LPGAT1: variants seen among roughly 807,000 people sequenced by gnomAD.
LPGAT1 encodes the protein lysophosphatidylglycerol acyltransferase 1.
LPGAT1 carries 11 observed loss-of-function variants against 47.5 expected under a neutral mutation model. That is an observed-to-expected ratio of 0.23 (90% CI 0.15 to 0.38). The LOEUF (loss-of-function observed/expected upper bound fraction) is 0.38, where lower values mean the gene tolerates loss of function less well. LPGAT1 is among the 10% of genes least tolerant of loss of function. The pLI is 1.00. For synonymous variants in LPGAT1, 138 were observed against 144.2 expected, an observed-to-expected ratio of 0.96 and a Z score of 0.31; for missense variants, 293 against 439.0, an observed-to-expected ratio of 0.67 and a Z score of 2.97.
At chr1:211,795,778 C>G (rs1488495527) in intron 2 of LPGAT1, among the ~76,000 whole-genome samples, 2 of 152,202 alleles carry the variant, frequency 1.3e-5, no homozygotes, top group Non-Finnish European at 2.9e-5. Context: ...CACACAAACA[C>G]ACACACACAT....
At chr1:211,806,413 C>T (rs1363472437) in intron 2 of LPGAT1, among the ~76,000 whole-genome samples, 1 of 151,288 alleles carries the variant, frequency 6.6e-6, no homozygotes, top group Admixed American at 6.6e-5. Flanking sequence ...AGCAAATTAA[C>T]ACAGAAACAG....
chr1:211,817,536 A>G (rs1044379066), intron 2 of LPGAT1, among the ~76,000 whole-genome samples: 26 of 151,576 alleles, frequency 1.7e-4, no homozygotes, highest in Admixed American at 1.1e-3. Context: ...GCACCACTGC[A>G]CTCCAGCCTA....
At chr1:211,793,355 ATAAC>A in intron 2 of LPGAT1, 165 bp from the exon 3 acceptor site, 1 of 348,832 alleles carries the variant, frequency 2.9e-6, no homozygotes, top group Non-Finnish European at 5.2e-6. Flanking sequence ...GAATGTTAAT[ATAAC>A]TTTTATAGAG....
chr1:211,791,843 C>T (rs1318105429), intron 3 of LPGAT1, among the ~76,000 whole-genome samples: 1 of 149,664 alleles, frequency 6.7e-6, no homozygotes, highest in Admixed American at 6.7e-5. Context: ...GCTGTCAGCA[C>T]CTTGATAAGA....
intron 2 of LPGAT1, among the ~76,000 whole-genome samples, chr1:211,811,450 A>AT (rs1006659609): frequency 1.3e-5 from 2 of 152,108 alleles, no homozygotes; most frequent in South Asian, 2.1e-4. Flanking sequence ...CTAAATGGGG[A>AT]TTTTTTTTAA....
chr1:211,756,875 C>CT (rs1233456083), intron 6 of LPGAT1, among the ~76,000 whole-genome samples: 3,298 of 132,056 alleles, frequency 0.025, 52 homozygotes, highest in Non-Finnish European at 0.033. Context: ...TTTTTTCTCT[C>CT]TTTTTTTTTT....
chr1:211,759,321 A>G (rs1044588005), intron 6 of LPGAT1, among the ~76,000 whole-genome samples: 1 of 152,142 alleles, frequency 6.6e-6, no homozygotes, highest in Non-Finnish European at 1.5e-5. Flanking sequence ...CTGGTTTCAA[A>G]GGATTCTCCT....
chr1:211,793,989 T>C (rs80178087), intron 2 of LPGAT1, among the ~76,000 whole-genome samples: 2 of 152,186 alleles, frequency 1.3e-5, no homozygotes, highest in Non-Finnish European at 2.9e-5. Flanking sequence ...AAATATAGCA[T>C]GATCCCATCT....
intron 3 of LPGAT1, among the ~76,000 whole-genome samples, chr1:211,788,574 CGGGA>C (rs1244122370): frequency 6.6e-6 from 1 of 151,510 alleles, no homozygotes; most frequent in African/African-American, 2.4e-5. Flanking sequence ...CCCAGCTACT[CGGGA>C]GGTTGAGGCA....
intron 5 of LPGAT1, among the ~76,000 whole-genome samples, chr1:211,782,025 T>C (rs1317302584): frequency 1.3e-5 from 2 of 152,102 alleles, no homozygotes; most frequent in African/African-American, 2.4e-5. Flanking sequence ...AGAAAAGCAA[T>C]CACTGCTAAC....
At chr1:211,800,837 C>T (rs140119910) in intron 2 of LPGAT1, among the ~76,000 whole-genome samples, 65 of 152,316 alleles carry the variant, frequency 4.3e-4, no homozygotes, top group African/African-American at 1.5e-3. Flanking sequence ...AATAAACACA[C>T]GTTTATAGCA....
At chr1:211,795,731 T>G (rs780483637) in intron 2 of LPGAT1, among the ~76,000 whole-genome samples, 1 of 152,126 alleles carries the variant, frequency 6.6e-6, no homozygotes, top group Non-Finnish European at 1.5e-5. Flanking sequence ...TATGCCCCTG[T>G]TGACAACCCT....
intron 2 of LPGAT1, among the ~76,000 whole-genome samples, chr1:211,807,925 G>A (rs1211371939): frequency 1.3e-5 from 2 of 151,934 alleles, no homozygotes; most frequent in East Asian, 3.9e-4. Flanking sequence ...TGGCTTGGGG[G>A]CTGCCCAATT....
At chr1:211,813,476 G>C (rs941618539) in intron 2 of LPGAT1, among the ~76,000 whole-genome samples, 28 of 152,238 alleles carry the variant, frequency 1.8e-4, no homozygotes, top group African/African-American at 5.5e-4. Flanking sequence ...AAGGATCAGA[G>C]AGCAAAATTT....
chr1:211,809,077 C>G (rs191554357), intron 2 of LPGAT1, among the ~76,000 whole-genome samples: 68 of 151,742 alleles, frequency 4.5e-4, no homozygotes, highest in African/African-American at 1.5e-3. Flanking sequence ...TGGTGGCAGG[C>G]GCCTATAGTC....
At chr1:211,825,188 CTTTTTTTTTTTTTTTT>C (rs953536979) in intron 2 of LPGAT1, among the ~76,000 whole-genome samples, 1 of 70,860 alleles carries the variant, frequency 1.4e-5, no homozygotes, top group African/African-American at 5.8e-5. Flanking sequence ...GCACAGTCTT[CTTTTTTTTTTTTTTTT>C]TTTTTTTTTT....
At chr1:211,782,995 G>T (rs1314467228) in intron 5 of LPGAT1, among the ~76,000 whole-genome samples, 1 of 152,168 alleles carries the variant, frequency 6.6e-6, no homozygotes, top group Non-Finnish European at 1.5e-5. Flanking sequence ...CTCCGTATAA[G>T]TAGGACAGGA....
At chr1:211,788,828 A>G (rs1267064024) in intron 3 of LPGAT1, among the ~76,000 whole-genome samples, 1 of 152,176 alleles carries the variant, frequency 6.6e-6, no homozygotes, top group Non-Finnish European at 1.5e-5. Flanking sequence ...AATAAGCTCT[A>G]CTTTGGTTTC....
At chr1:211,799,503 C>T (rs1158106249) in intron 2 of LPGAT1, among the ~76,000 whole-genome samples, 5 of 152,108 alleles carry the variant, frequency 3.3e-5, no homozygotes, top group Non-Finnish European at 7.3e-5. Context: ...GGATTCAAAA[C>T]CACAATATCA....
Sources: gnomAD v4.1 joint callset for allele counts (sites outside exome capture counted in the v4.1 genomes callset) on GRCh38, gnomAD v4.1.1 for gene constraint, MANE v1.5 for transcripts, NCBI Gene and HGNC (gene_info 2026-07-23, HGNC 2026-07-21) for gene names.